KSR1: variants seen among roughly 807,000 people sequenced by gnomAD.
KSR1 encodes the protein kinase suppressor of ras.
A neutral mutation model predicts 92.9 loss-of-function variants in KSR1; 35 were observed. The ratio of observed to expected loss-of-function variants is 0.38; its 90% CI spans 0.29 to 0.50. The LOEUF (loss-of-function observed/expected upper bound fraction) is 0.50. KSR1 is among the 20% of genes least tolerant of loss of function. The pLI is 0.94. For missense variants in KSR1, 972 were observed against 1,158.5 expected, an observed-to-expected ratio of 0.84 and a Z score of 2.34; for synonymous variants, 467 against 472.6, an observed-to-expected ratio of 0.99 and a Z score of 0.15.
chr17:27,539,456 C>T (rs1411278124), intron 1 of KSR1, among the ~76,000 whole-genome samples: 11 of 152,208 alleles, frequency 7.2e-5, no homozygotes, highest in African/African-American at 2.7e-4. Context: ...TGTTGCTTTG[C>T]CTTTCCTAGC....
At chr17:27,475,350 T>C (rs764384053) in intron 1 of KSR1, among the ~76,000 whole-genome samples, 2 of 152,182 alleles carry the variant, frequency 1.3e-5, no homozygotes, top group African/African-American at 2.4e-5. Context: ...CTCCATCCTG[T>C]AGGATCCACA....
chr17:27,613,416 G>T (rs1006197707), intron 18 of KSR1, among the ~76,000 whole-genome samples: 1 of 152,150 alleles, frequency 6.6e-6, no homozygotes, highest in African/African-American at 2.4e-5. Flanking sequence ...AAACCTCTCA[G>T]CAAAAAAGAG....
intron 1 of KSR1, among the ~76,000 whole-genome samples, chr17:27,467,973 G>A (rs967077365): frequency 1.3e-5 from 2 of 151,906 alleles, no homozygotes; most frequent in Non-Finnish European, 1.5e-5. Flanking sequence ...CATTATGCCC[G>A]GCTAATTTTT....
rs71840627 is a variant in KSR1 at position 27,558,703 on chromosome 17, G to GTT, written c.372+8008_372+8009dup. The stretch of plus-strand genomic sequence containing the variant: ...TTGTCTGTCTGTCTTTCTGTTTTTT[G>GTT]TTTTTTTTTTTTTTCTTTGGAAGGG... On this transcript the variant is annotated intron_variant, in intron 2 of 20. Transcript: ENST00000644974. Among the ~76,000 whole-genome samples the GTT allele has an allele frequency of 2.1e-5, 3 of 143,298 alleles. No individual in the cohort carries two copies. The South Asian group carries it at 6.7e-4, about 32-fold the overall frequency. The allele number at this position is 143,298 out of a possible 152,430, so 94.0% of individuals were successfully genotyped here. A position where few individuals can be genotyped will look rare whatever the true frequency, so the allele number is the denominator to read the frequency against.
intron 1 of KSR1, among the ~76,000 whole-genome samples, chr17:27,499,320 T>A (rs2069096877): frequency 6.6e-6 from 1 of 152,172 alleles, no homozygotes; most frequent in African/African-American, 2.4e-5. Flanking sequence ...GGACTTATTT[T>A]CCTGGGCACT....
chr17:27,519,903 A>G (rs965699830), intron 1 of KSR1, among the ~76,000 whole-genome samples: 2 of 152,140 alleles, frequency 1.3e-5, no homozygotes, highest in Non-Finnish European at 2.9e-5. Flanking sequence ...GAGTGGGGAT[A>G]GTAAAACTGT....
intron 1 of KSR1, among the ~76,000 whole-genome samples, chr17:27,546,254 AC>A (rs1179129799): frequency 6.6e-6 from 1 of 152,192 alleles, no homozygotes; most frequent in Non-Finnish European, 1.5e-5. Context: ...TGAGGGAAAT[AC>A]GGTCCCTGCA....
chr17:27,602,207 G>T (rs2073588805), intron 11 of KSR1, among the ~76,000 whole-genome samples: 1 of 152,292 alleles, frequency 6.6e-6, no homozygotes, highest in East Asian at 1.9e-4. Flanking sequence ...CCATTAGGGG[G>T]TTGACTTGGA....
intron 6 of KSR1, among the ~76,000 whole-genome samples, chr17:27,590,042 CAA>C (rs747865268): frequency 2.2e-4 from 34 of 152,216 alleles, no homozygotes; most frequent in Non-Finnish European, 4.1e-4. Flanking sequence ...GCAAAATGCA[CAA>C]GTGTGTGTGT....
At chr17:27,468,121 T>A (rs1349513702) in intron 1 of KSR1, among the ~76,000 whole-genome samples, 2 of 143,574 alleles carry the variant, frequency 1.4e-5, no homozygotes, top group African/African-American at 2.7e-5. Flanking sequence ...CCGGCCATAT[T>A]TTTTTTTTTT....
At chr17:27,520,626 C>A (rs1174593074) in intron 1 of KSR1, among the ~76,000 whole-genome samples, 1 of 152,250 alleles carries the variant, frequency 6.6e-6, no homozygotes, top group Non-Finnish European at 1.5e-5. Flanking sequence ...AGAACGGGCA[C>A]AGTGGAGCTT....
intron 9 of KSR1, 67 bp from the exon 10 acceptor site, chr17:27,597,201 G>T (rs1305432467): frequency 2.7e-6 from 4 of 1,494,690 alleles, no homozygotes; most frequent in Non-Finnish European, 2.7e-6. Context: ...GGAAGGGAGG[G>T]TGTGGCTGGT....
intron 1 of KSR1, among the ~76,000 whole-genome samples, chr17:27,501,104 C>T (rs1367467360): frequency 6.6e-6 from 1 of 152,146 alleles, no homozygotes; most frequent in Non-Finnish European, 1.5e-5. Flanking sequence ...CTGTCAAGGC[C>T]TGAGCCCTTC....
intron 1 of KSR1, among the ~76,000 whole-genome samples, chr17:27,493,407 C>T (rs2068883415): frequency 6.6e-6 from 1 of 152,078 alleles, no homozygotes; most frequent in South Asian, 2.1e-4. Flanking sequence ...GAAATCATGC[C>T]CTTGAATTCT....
chr17:27,601,153 C>T (rs1308745375), intron 10 of KSR1: 2 of 582,094 alleles, frequency 3.4e-6, no homozygotes, highest in East Asian at 2.9e-5. Flanking sequence ...CCCCTTTAGT[C>T]CTGCAGACTC....
At chr17:27,599,810 T>C (rs2073482107) in intron 10 of KSR1, among the ~76,000 whole-genome samples, 1 of 152,200 alleles carries the variant, frequency 6.6e-6, no homozygotes, top group Non-Finnish European at 1.5e-5. Context: ...TGTATAGCTG[T>C]ACAAAAACTT....
intron 10 of KSR1, among the ~76,000 whole-genome samples, chr17:27,599,590 G>C (rs2073473893): frequency 6.6e-6 from 1 of 152,180 alleles, no homozygotes; most frequent in Non-Finnish European, 1.5e-5. Context: ...TTCTTTATTT[G>C]TAGGGGACTG....
chr17:27,515,070 G>A (rs539447606), intron 1 of KSR1, among the ~76,000 whole-genome samples: 1 of 152,278 alleles, frequency 6.6e-6, no homozygotes, highest in South Asian at 2.1e-4. Context: ...AGGAAAAGGA[G>A]GATGGACATG....
At chr17:27,473,311 A>G (rs2020123262) in intron 1 of KSR1, among the ~76,000 whole-genome samples, 1 of 152,218 alleles carries the variant, frequency 6.6e-6, no homozygotes, top group African/African-American at 2.4e-5. Flanking sequence ...GATGCTTAGC[A>G]TTTTAGAAGA....
Sources: allele counts gnomAD v4.1 joint callset (sites outside exome capture counted in the v4.1 genomes callset), GRCh38; gene constraint gnomAD v4.1.1; transcripts MANE v1.5; gene names NCBI Gene and HGNC (gene_info 2026-07-23, HGNC 2026-07-21).